Variants in COPS8 observed in about 807,000 individuals in gnomAD.
COPS8 encodes the protein COP9 signalosome complex subunit 8.
COPS8 carries 11 observed loss-of-function variants against 31.5 expected under a neutral mutation model. That is an observed-to-expected ratio of 0.35 (90% CI 0.22 to 0.58). COPS8 has a LOEUF of 0.58. COPS8 is among the 20% of genes least tolerant of loss of function. COPS8 has a pLI of 0.83. For synonymous variants in COPS8, 81 were observed against 89.3 expected (o/e 0.91, Z 0.52); for missense variants, 215 against 255.1 (o/e 0.84, Z 1.07).
chr2:237,096,192 C>T (rs1696797744), intron 6 of COPS8, among the ~76,000 whole-genome samples: 1 of 152,078 alleles, frequency 6.6e-6, no homozygotes, highest in Non-Finnish European at 1.5e-5. Flanking sequence ...CCTTCATATC[C>T]AAGCTGTTGT....
chr2:237,093,765 A>C, intron 4 of COPS8: 1 of 1,002,104 alleles, frequency 1.0e-6, no homozygotes, highest in Non-Finnish European at 1.2e-6. Context: ...TAAGATAAGT[A>C]AAATTTATAT....
chr2:237,095,757 C>G, intron 5 of COPS8, 65 bp from the exon 6 acceptor site: 1 of 1,063,202 alleles, frequency 9.4e-7, no homozygotes, highest in Non-Finnish European at 1.5e-6. Flanking sequence ...ATGTCATGGA[C>G]AAGTTGTGGA....
At chr2:237,093,936 G>A in intron 4 of COPS8, 154 bp from the exon 5 acceptor site, 1 of 1,379,636 alleles carries the variant, frequency 7.2e-7, no homozygotes, top group South Asian at 1.9e-5. Context: ...GTACATACTG[G>A]GCATATGTAT....
intron 7 of COPS8, 83 bp downstream of exon 7, chr2:237,096,952 AGT>A: frequency 1.1e-6 from 1 of 897,960 alleles, no homozygotes; most frequent in Non-Finnish European, 1.8e-6. Flanking sequence ...TGTGTGTGTG[AGT>A]GTGTGTATCT....
chr2:237,095,723 CA>C (rs1289981997), intron 5 of COPS8, 98 bp from the exon 6 acceptor site: 1 of 754,570 alleles, frequency 1.3e-6, no homozygotes, highest in Non-Finnish European at 2.4e-6. Context: ...TTATACTAAA[CA>C]CATCAGGTCT....
intron 5 of COPS8, among the ~76,000 whole-genome samples, chr2:237,095,034 CA>C (rs746206787): frequency 1.1e-4 from 17 of 152,242 alleles, no homozygotes; most frequent in Middle Eastern, 3.4e-3. Context: ...TTTGATTCTC[CA>C]GCTAAAATAT....
intron 3 of COPS8, 113 bp downstream of exon 3, chr2:237,088,766 T>A: frequency 1.6e-6 from 1 of 639,952 alleles, no homozygotes; most frequent in East Asian, 2.8e-5. Flanking sequence ...GTCATCAGAT[T>A]GGTATTAAGG....
intron 1 of COPS8, chr2:237,086,888 AT>A: frequency 2.4e-6 from 1 of 418,574 alleles, no homozygotes; most frequent in Non-Finnish European, 3.8e-6. Flanking sequence ...CCAAAGGGAG[AT>A]AAATCAAAGC....
At chr2:237,091,851 G>T (rs973249132) in intron 4 of COPS8, among the ~76,000 whole-genome samples, 4 of 152,162 alleles carry the variant, frequency 2.6e-5, no homozygotes, top group African/African-American at 9.7e-5. Flanking sequence ...AGCAAGGCAG[G>T]GAAAGGGCAT....
At chr2:237,090,071 C>A in intron 4 of COPS8, 77 bp downstream of exon 4, 1 of 1,445,882 alleles carries the variant, frequency 6.9e-7, no homozygotes, top group Non-Finnish European at 9.5e-7. Context: ...AGTAATAAAT[C>A]AGTGGTGTGT....
At position 237,094,162 on chromosome 2, in the gene COPS8, C is replaced by T; in HGVS notation, c.404C>T (p.Ala135Val). ...YTSIIADDFA[A>V]FVGLPVEEAV... The stretch of plus-strand genomic sequence containing the variant: ...TCAATCATCGCCGATGATTTTGCAG[C>T]CTTTGTTGGACTTCCTGTAGAAGAG... The change falls in exon 5 of 8, where the codon GCC becomes GTC. Residue 135 changes from alanine (A) to valine (V), a missense_variant. By Grantham distance (64) the Ala-to-Val change is moderately conservative. Coordinates refer to ENST00000354371, the MANE Select transcript of COPS8 (RefSeq NM_006710.5). 6.2e-7 allele frequency: 1 copy of T among 1,613,886 alleles called. No homozygotes were observed. The highest frequency in any genetic ancestry group is 1.1e-5 in the South Asian group (1 of 91,052).
At chr2:237,093,817 C>T (rs1696748030) in intron 4 of COPS8, 1 of 1,093,154 alleles carries the variant, frequency 9.1e-7, no homozygotes, top group Non-Finnish European at 1.1e-6. Flanking sequence ...GGGTTAGAGC[C>T]TTGTGTTTAG....
intron 4 of COPS8, 60 bp from the exon 5 acceptor site, chr2:237,094,030 T>C (rs1006805979): frequency 1.9e-6 from 3 of 1,586,802 alleles, no homozygotes; most frequent in African/African-American, 2.7e-5. Context: ...GATTTAACAA[T>C]GTGCTTTGAA....
chr2:237,092,314 T>G (rs1559299659), intron 4 of COPS8, among the ~76,000 whole-genome samples: 1 of 152,196 alleles, frequency 6.6e-6, no homozygotes. Context: ...AGAGAACACT[T>G]AGCCTTTATT....
intron 5 of COPS8, 81 bp downstream of exon 5, chr2:237,094,278 A>T: frequency 7.6e-7 from 1 of 1,321,996 alleles, no homozygotes; most frequent in East Asian, 2.3e-5. Flanking sequence ...CCTCTGAAAC[A>T]CTTGGAACAG....
At chr2:237,090,122 CAGA>C in intron 4 of COPS8, 128 bp downstream of exon 4, 2 of 909,536 alleles carry the variant, frequency 2.2e-6, no homozygotes, top group Non-Finnish European at 3.0e-6. Context: ...GAGCAGTTTT[CAGA>C]ATTTTTTAGA....
chr2:237,087,654 G>A (rs1407701039), intron 2 of COPS8: 1 of 208,570 alleles, frequency 4.8e-6, no homozygotes, highest in Non-Finnish European at 1.0e-5. Flanking sequence ...TCTAGGCCGG[G>A]CGCCGTGGCA....
At chr2:237,089,159 T>C (rs1259580079) in intron 3 of COPS8, among the ~76,000 whole-genome samples, 1 of 152,160 alleles carries the variant, frequency 6.6e-6, no homozygotes. Flanking sequence ...AGTAAAATTT[T>C]AATGTCAAAT....
Position 237,097,971 on chromosome 2 carries a change from T to G in COPS8, c.*229T>G. 2.5e-6 allele frequency: 1 copy of G among 401,996 alleles called. No individual in the cohort carries two copies. The highest frequency in any genetic ancestry group is 4.5e-6 in the Non-Finnish European group (1 of 221,488). 24.9% of individuals were successfully genotyped at this position (401,996 alleles called of 1,614,324 possible). A position where few individuals can be genotyped will look rare whatever the true frequency, so the allele number is the denominator to read the frequency against. ...ATTTTGTAGTATTTAATAATCTGGA[T>G]GGAGCCTGTCAGTATTACAGTTAGT... is the stretch of plus-strand genomic sequence containing the variant. On this transcript the variant is annotated 3_prime_UTR_variant, in exon 8 of 8. Coordinates refer to ENST00000354371, the MANE Select transcript of COPS8 (RefSeq NM_006710.5).
Sources: allele counts gnomAD v4.1 joint callset (sites outside exome capture counted in the v4.1 genomes callset), GRCh38; gene constraint gnomAD v4.1.1; transcripts MANE v1.5; gene names NCBI Gene and HGNC (gene_info 2026-07-23, HGNC 2026-07-21).